The following FKBP3 variants were observed in gnomAD, a reference collection of about 807,000 sequenced individuals.
FKBP3 encodes the protein peptidyl-prolyl cis-trans isomerase FKBP3.
FKBP3 carries 21 observed loss-of-function variants against 30.6 expected under a neutral mutation model. That is an observed-to-expected ratio of 0.69 (90% CI 0.49 to 0.99). The LOEUF (loss-of-function observed/expected upper bound fraction) is 0.99. Among genes scored for constraint, FKBP3 ranks in the 50% least tolerant of loss-of-function variants. FKBP3 has a pLI of 0.00. For synonymous variants in FKBP3, 82 were observed against 91.3 expected, an observed-to-expected ratio of 0.90 and a Z score of 0.58; for missense variants, 283 against 261.6, an observed-to-expected ratio of 1.08 and a Z score of -0.56.
chr14:45,120,872 G>A lies in FKBP3; in HGVS notation c.522+15C>T. ...TGCCAGAATATCTACTGATTCATTG[G>A]CATTCTTTACTTACTCCTCTGATAA... On this transcript the variant is annotated intron_variant, in intron 5 of 6. Transcript: ENST00000396062. 6.3e-7 allele frequency: 1 copy of A among 1,597,602 alleles called. No individual in the cohort carries two copies.
In FKBP3 at chr14:45,123,854, G is replaced by A. The variant is rs535069846; in HGVS notation, c.319-2234C>T. 8.2e-4 allele frequency among the ~76,000 whole-genome samples: 125 copies of A among 151,760 alleles called. 1 individual carries two copies. The highest frequency in any genetic ancestry group is 1.1e-3 in the Non-Finnish European group (78 of 67,894). On this transcript the variant is annotated intron_variant, in intron 3 of 6. Transcript: ENST00000396062. ...AGGATGGTCTCCATCTCCTGACCTC[G>A]TGATCTGCCCGCCTCGGCCTCCCAA...
At chr14:45,117,995 TC>T in intron 6 of FKBP3, 32 bp downstream of exon 6, 1 of 1,474,646 alleles carries the variant, frequency 6.8e-7, no homozygotes, top group Non-Finnish European at 9.3e-7. Context: ...TTTTTTTTTT[TC>T]AACTTTAATT....
At chr14:45,125,400 C>G (rs1180233532) in intron 3 of FKBP3, among the ~76,000 whole-genome samples, 2 of 152,122 alleles carry the variant, frequency 1.3e-5, no homozygotes, top group Non-Finnish European at 2.9e-5. Flanking sequence ...GCAGAATCAC[C>G]AGAAGTTGGT....
chr14:45,121,451 T>G, intron 4 of FKBP3, 34 bp downstream of exon 4: 1 of 1,591,748 alleles, frequency 6.3e-7, no homozygotes, highest in Non-Finnish European at 8.6e-7. Context: ...AGAATCTCTT[T>G]AAGCCAAAAA....
intron 3 of FKBP3, among the ~76,000 whole-genome samples, chr14:45,122,741 G>C (rs1885012331): frequency 6.6e-6 from 1 of 151,898 alleles, no homozygotes; most frequent in African/African-American, 2.4e-5. Flanking sequence ...CAGACCTCGT[G>C]ATCCGCCCGC....
intron 4 of FKBP3, 62 bp downstream of exon 4, chr14:45,121,423 T>C: frequency 7.0e-7 from 1 of 1,424,254 alleles, no homozygotes; most frequent in Non-Finnish European, 9.7e-7. Context: ...TACTCATCTG[T>C]CTGCCACCCA....
chr14:45,119,552 A>G (rs1003903844), intron 5 of FKBP3, among the ~76,000 whole-genome samples: 23 of 152,106 alleles, frequency 1.5e-4, no homozygotes, highest in African/African-American at 5.6e-4. Context: ...CTGGACAACA[A>G]GAGCAAAACT....
In FKBP3 at chr14:45,115,892, C is replaced by T. The variant is rs1884822039; in HGVS notation, c.*306G>A. The T allele has an allele frequency of 7.5e-6, 2 of 266,988 alleles. No individual in the cohort carries two copies. The highest frequency in any genetic ancestry group is 1.5e-5 in the Non-Finnish European group (2 of 135,888). 16.5% of individuals were successfully genotyped at this position (266,988 alleles called of 1,614,324 possible). ...AATAATATATTAACACCAAACAAAT[C>T]ACAGTCAGATCAAGACAGTGGATCA... On this transcript the variant is annotated 3_prime_UTR_variant, in exon 7 of 7. Transcript: ENST00000396062.
chr14:45,133,347 G>C (rs1301870906), intron 1 of FKBP3: 2 of 300,282 alleles, frequency 6.7e-6, no homozygotes, highest in Non-Finnish European at 1.4e-5. Flanking sequence ...CGCGCCTGTA[G>C]TCCTAGCTAC....
At chr14:45,126,878 C>A (rs1033075331) in intron 3 of FKBP3, among the ~76,000 whole-genome samples, 1 of 151,988 alleles carries the variant, frequency 6.6e-6, no homozygotes, top group Non-Finnish European at 1.5e-5. Context: ...TGCAGTGGCG[C>A]AATCTTGGCT....
chr14:45,116,023 T>G lies in FKBP3; in HGVS notation c.*175A>C. ...GAAAGTATTTTAGACCAGGGATTCATAAGGGATTTATCTCTCAAAAGCTGG... is the reference window on the plus strand; with the variant it reads ...GAAAGTATTTTAGACCAGGGATTCAGAAGGGATTTATCTCTCAAAAGCTGG... On this transcript the variant is annotated 3_prime_UTR_variant, in exon 7 of 7. Transcript: ENST00000396062. The G allele has an allele frequency of 1.8e-6, 1 of 557,956 alleles. No individual in the cohort carries two copies. Among genetic ancestry groups the G allele is most frequent in the Non-Finnish European group, 3.3e-6 (1 of 307,396 alleles). The allele number at this position is 557,956 out of a possible 1,614,324, so 34.6% of individuals were successfully genotyped here. A position where few individuals can be genotyped will look rare whatever the true frequency, so the allele number is the denominator to read the frequency against.
intron 3 of FKBP3, among the ~76,000 whole-genome samples, chr14:45,125,503 TTC>T (rs1566706211): frequency 1.3e-5 from 2 of 152,246 alleles, no homozygotes; most frequent in Non-Finnish European, 2.9e-5. Context: ...AAGTGTGAGT[TTC>T]TGTCGTAACT....
rs775623307 is a variant in FKBP3 at position 45,134,410 on chromosome 14, C to T, written c.47G>A (p.Arg16His). 3 of 1,613,356 alleles carry T rather than the reference C, an allele frequency of 1.9e-6. No homozygotes were observed. Among genetic ancestry groups the T allele is most frequent in the Admixed American group, 1.7e-5 (1 of 59,986 alleles). ...GTCCTTCTTGGGCAGCTGCTCACTG[C>T]GCAGCTGCTCCACGGTCCACGCCCG... ...PQRAWTVEQL[R>H]SEQLPKKDII... is the part of the protein sequence containing the mutation. Residue 16 changes from arginine to histidine, a missense_variant, in exon 1 of 7, where the codon CGC becomes CAC. Physicochemically the swap from Arg to His is conservative, Grantham distance 29. Transcript: ENST00000396062.
Position 45,125,181 on chromosome 14 carries a change from G to T in FKBP3, c.319-3561C>A, listed in dbSNP as rs574451267. ...TCTGCCTGCTTCAGCCTCCCAAAGT[G>T]TTGGGATTACAGGCGTGAGCCACAG... On this transcript the variant is annotated intron_variant, in intron 3 of 6. Transcript: ENST00000396062. Among the ~76,000 whole-genome samples, 522 of 152,370 alleles carry T rather than the reference G, an allele frequency of 3.4e-3. 8 individuals are homozygous for T. Among genetic ancestry groups the T allele is most frequent in the African/African-American group, 0.012 (503 of 41,588 alleles).
chr14:45,133,065 T>G (rs903650686), intron 1 of FKBP3, among the ~76,000 whole-genome samples: 1 of 152,230 alleles, frequency 6.6e-6, no homozygotes, highest in Non-Finnish European at 1.5e-5. Context: ...GCTAAATTAA[T>G]CTAAGATGCG....
chr14:45,128,605 G>T (rs1204765903), intron 3 of FKBP3, among the ~76,000 whole-genome samples: 3 of 152,154 alleles, frequency 2.0e-5, no homozygotes, highest in African/African-American at 7.2e-5. Context: ...GACAACGAGG[G>T]TTAGCAAGGA....
At chr14:45,126,749 T>C (rs1885107258) in intron 3 of FKBP3, among the ~76,000 whole-genome samples, 1 of 152,106 alleles carries the variant, frequency 6.6e-6, no homozygotes, top group Admixed American at 6.5e-5. Flanking sequence ...CTGAGTATTC[T>C]GAGGCAGGAG....
chr14:45,121,762 T>C (rs998396269), intron 3 of FKBP3, 142 bp from the exon 4 acceptor site: 3 of 864,628 alleles, frequency 3.5e-6, no homozygotes, highest in Non-Finnish European at 5.2e-6. Context: ...AAACCCTCAG[T>C]ATCTAATTTC....
At chr14:45,126,068 T>C (rs1174351169) in intron 3 of FKBP3, among the ~76,000 whole-genome samples, 1 of 151,986 alleles carries the variant, frequency 6.6e-6, no homozygotes, top group African/African-American at 2.4e-5. Context: ...CTGGCTACTT[T>C]TTTGGTAGAG....
Sources: allele counts gnomAD v4.1 joint callset (sites outside exome capture counted in the v4.1 genomes callset), GRCh38; gene constraint gnomAD v4.1.1; transcripts MANE v1.5; gene names NCBI Gene and HGNC (gene_info 2026-07-23, HGNC 2026-07-21).